FAM149B1: variants seen among roughly 807,000 people sequenced by gnomAD.
The protein encoded by FAM149B1 is family with sequence similarity 149 member B1.
In FAM149B1, 56 loss-of-function variants were observed where a neutral mutation model predicts 75.3. The ratio of observed to expected loss-of-function variants is 0.74; its 90% CI spans 0.60 to 0.93. The LOEUF (loss-of-function observed/expected upper bound fraction) is 0.93. FAM149B1 is among the 40% of genes least tolerant of loss of function. The probability of loss-of-function intolerance (pLI) is 0.00; values close to 1 mark genes in which losing one functional copy is unlikely to be tolerated. For missense variants in FAM149B1, 639 were observed against 708.4 expected (o/e 0.90, Z 1.11); for synonymous variants, 259 against 256.1 (o/e 1.01, Z -0.11).
chr10:73,186,837 T>C (rs557033881), intron 3 of FAM149B1, among the ~76,000 whole-genome samples: 2 of 152,256 alleles, frequency 1.3e-5, no homozygotes, highest in South Asian at 4.1e-4. Flanking sequence ...AGCAATTCCA[T>C]AGAGACAGAA....
chr10:73,191,336 C>CT (rs1344368813), intron 3 of FAM149B1, among the ~76,000 whole-genome samples: 1,586 of 124,048 alleles, frequency 0.013, 40 homozygotes, highest in African/African-American at 0.029. Context: ...CCGCCTTGGC[C>CT]TTTTTTTTTT....
chr10:73,242,965 A>G lies in FAM149B1; in HGVS notation c.*1946A>G, dbSNP rs944948786. 1 of 166,110 alleles carries G rather than the reference A, an allele frequency of 6.0e-6. No homozygotes were observed. Among genetic ancestry groups the G allele is most frequent in the African/African-American group, 2.4e-5 (1 of 41,584 alleles). The allele number at this position is 166,110 out of a possible 1,614,324, so 10.3% of individuals were successfully genotyped here. ...ATCTATTCAAGATCATTAAGACCAAATGTAAACTGGGAAGTATGTGGAAGA... is the reference window on the plus strand; with the variant it reads ...ATCTATTCAAGATCATTAAGACCAAGTGTAAACTGGGAAGTATGTGGAAGA... On this transcript the variant is annotated 3_prime_UTR_variant, in exon 14 of 14. Coordinates refer to ENST00000242505, the MANE Select transcript of FAM149B1 (RefSeq NM_173348.2).
At chr10:73,177,552 CGACAGCAT>C (rs796922917) in intron 2 of FAM149B1, among the ~76,000 whole-genome samples, 7 of 149,964 alleles carry the variant, frequency 4.7e-5, no homozygotes, top group African/African-American at 1.7e-4. Flanking sequence ...GTAGCCTGGG[CGACAGCAT>C]GAGATTCTGT....
Position 73,199,576 on chromosome 10 carries a change from G to A in FAM149B1, c.542+5983G>A, listed in dbSNP as rs1447385761. Among the ~76,000 whole-genome samples the A allele has an allele frequency of 4.6e-5, 7 of 151,820 alleles. No homozygotes were observed. In the East Asian group the frequency reaches 1.3e-3, roughly 29 times the overall value. On this transcript the variant is annotated intron_variant, in intron 5 of 13. Coordinates refer to ENST00000242505, the MANE Select transcript of FAM149B1 (RefSeq NM_173348.2). ...TTAGGAGACAGGGTCTCACTATGTT[G>A]CCCAGGCTGTCCTCAAACTCCTGAG...
chr10:73,192,795 C>A, intron 4 of FAM149B1, 97 bp downstream of exon 4: 1 of 1,162,540 alleles, frequency 8.6e-7, no homozygotes, highest in Non-Finnish European at 1.2e-6. Context: ...TCTTTATGAG[C>A]ATGACTTTAA....
chr10:73,177,748 AAT>A, intron 2 of FAM149B1, 96 bp from the exon 3 acceptor site: 5 of 1,045,118 alleles, frequency 4.8e-6, no homozygotes, highest in African/African-American at 3.3e-5. Context: ...TACACATGTT[AAT>A]CACCTAGTAA....
At chr10:73,170,811 CTG>C (rs1323982227) in intron 1 of FAM149B1, among the ~76,000 whole-genome samples, 5 of 151,976 alleles carry the variant, frequency 3.3e-5, no homozygotes, top group Admixed American at 6.6e-5. Flanking sequence ...TGTGAGGAAA[CTG>C]TCTTTTCCCA....
intron 3 of FAM149B1, among the ~76,000 whole-genome samples, chr10:73,187,199 T>A (rs186490956): frequency 7.9e-5 from 12 of 151,918 alleles, no homozygotes; most frequent in African/African-American, 2.7e-4. Context: ...TGAGAGAAAT[T>A]AAAGAAGATC....
Position 73,241,080 on chromosome 10 carries a change from G to C in FAM149B1, c.*61G>C. On this transcript the variant is annotated 3_prime_UTR_variant, in exon 14 of 14. Transcript: ENST00000242505. ...ACGAGATTTCATGAAGCAGTATTCA[G>C]TCATCAAGTGATGCAGAGCTTGTAT... 1 of 921,618 alleles carries C rather than the reference G, an allele frequency of 1.1e-6. No individual in the cohort carries two copies. Among genetic ancestry groups the C allele is most frequent in the Non-Finnish European group, 1.7e-6 (1 of 575,970 alleles). The allele number at this position is 921,618 out of a possible 1,614,324, so 57.1% of individuals were successfully genotyped here. A position where few individuals can be genotyped will look rare whatever the true frequency, so the allele number is the denominator to read the frequency against.
At chr10:73,211,228 G>A (rs2043180562) in intron 7 of FAM149B1, among the ~76,000 whole-genome samples, 1 of 152,080 alleles carries the variant, frequency 6.6e-6, no homozygotes, top group Non-Finnish European at 1.5e-5. Flanking sequence ...TGATTAACTC[G>A]ACCTTCAGCC....
At chr10:73,204,152 T>G (rs1480774608) in intron 5 of FAM149B1, among the ~76,000 whole-genome samples, 2 of 151,948 alleles carry the variant, frequency 1.3e-5, no homozygotes, top group Non-Finnish European at 2.9e-5. Flanking sequence ...TGTGACAGAG[T>G]CTTGCTCTGT....
At chr10:73,218,848 C>T (rs550638108) in intron 7 of FAM149B1, among the ~76,000 whole-genome samples, 1 of 152,166 alleles carries the variant, frequency 6.6e-6, no homozygotes, top group African/African-American at 2.4e-5. Context: ...CAGTTTTCCC[C>T]TCAATTTATC....
At chr10:73,235,726 G>T (rs1173410196) in intron 12 of FAM149B1, among the ~76,000 whole-genome samples, 1 of 152,098 alleles carries the variant, frequency 6.6e-6, no homozygotes, top group African/African-American at 2.4e-5. Context: ...TCAGAAGCAG[G>T]CTCTTGCCAT....
intron 5 of FAM149B1, among the ~76,000 whole-genome samples, chr10:73,202,187 C>T (rs946118589): frequency 5.9e-5 from 9 of 151,976 alleles, no homozygotes; most frequent in African/African-American, 1.9e-4. Context: ...AAAGAAATAA[C>T]ATTTACAAAG....
chr10:73,224,217 CT>C (rs977875562), intron 7 of FAM149B1, among the ~76,000 whole-genome samples: 2 of 152,112 alleles, frequency 1.3e-5, no homozygotes, highest in African/African-American at 4.8e-5. Context: ...ACCATCCAGT[CT>C]CTGTTGCAAC....
In FAM149B1 at chr10:73,230,425, A is replaced by C; in HGVS notation, c.1027A>C (p.Ser343Arg). 4 of 1,520,642 alleles carry C rather than the reference A, an allele frequency of 2.6e-6. No homozygotes were observed. The highest frequency in any genetic ancestry group is 3.6e-6 in the Non-Finnish European group (4 of 1,118,474). 94.2% of individuals were successfully genotyped at this position (1,520,642 alleles called of 1,614,324 possible). A position where few individuals can be genotyped will look rare whatever the true frequency, so the allele number is the denominator to read the frequency against. The change falls in exon 9 of 14, where the codon AGT (serine) becomes CGT (arginine). Residue 343 changes from serine to arginine, a missense_variant. Ser to Arg is a moderately radical substitution (Grantham distance 110). Coordinates refer to ENST00000242505, the MANE Select transcript of FAM149B1 (RefSeq NM_173348.2). ...KVLYITSNPM[S>R]LCQASRHQPN... Reference sequence around the variant, plus strand: ...ACTGTCTTCTTTCAACACGTAGATGAGTCTCTGTCAAGCAAGCAGACATCA... The same window carrying C: ...ACTGTCTTCTTTCAACACGTAGATGCGTCTCTGTCAAGCAAGCAGACATCA...
At position 73,228,088 on chromosome 10, in the gene FAM149B1, A is replaced by G. The variant is rs759485639; in HGVS notation, c.927A>G (p.Arg309=). ...ATGAGAGTAATGTTGCAGTTACCAG[A>G]CCCGATTCAGAAAGTTCCTGTGTGC... ...SDDESNVAVT[R]PDSESSCVLS... The change falls in exon 8 of 14, where the codon AGA becomes AGG. Residue 309 remains arginine (R), a synonymous_variant. Coordinates refer to ENST00000242505, the MANE Select transcript of FAM149B1 (RefSeq NM_173348.2). 28 of 1,551,422 alleles carry G rather than the reference A, an allele frequency of 1.8e-5. No individual in the cohort carries two copies. The highest frequency in any genetic ancestry group is 1.0e-5 in the Non-Finnish European group (12 of 1,146,810).
chr10:73,181,565 C>T (rs1377122157), intron 3 of FAM149B1, among the ~76,000 whole-genome samples: 1 of 152,080 alleles, frequency 6.6e-6, no homozygotes, highest in African/African-American at 2.4e-5. Context: ...TTCAAAATTC[C>T]TCTTGTTATT....
intron 12 of FAM149B1, among the ~76,000 whole-genome samples, chr10:73,238,418 T>A (rs2043870908): frequency 6.6e-6 from 1 of 152,212 alleles, no homozygotes; most frequent in Admixed American, 6.5e-5. Flanking sequence ...TCCTTGCTGT[T>A]TTCATCTAGA....
Sources: allele counts gnomAD v4.1 joint callset (sites outside exome capture counted in the v4.1 genomes callset), GRCh38; gene constraint gnomAD v4.1.1; transcripts MANE v1.5; gene names NCBI Gene and HGNC (gene_info 2026-07-23, HGNC 2026-07-21).